The following ST7L variants were observed in gnomAD, a reference collection of about 807,000 sequenced individuals.
ST7L encodes the protein suppressor of tumorigenicity 7 protein-like.
Under a neutral mutation model 72.5 loss-of-function variants are expected in ST7L, and 57 were observed. The observed-to-expected ratio is 0.79, with a 90% CI of 0.64 to 0.98. ST7L has a LOEUF of 0.98. Ranked by LOEUF, ST7L falls within the 50% of genes least tolerant of loss-of-function variation. The pLI, the probability that ST7L is intolerant of heterozygous loss-of-function variation, is 0.00. For missense variants in ST7L, 576 were observed against 672.2 expected (o/e 0.86, Z 1.58); for synonymous variants, 221 against 240.9 (o/e 0.92, Z 0.77).
chr1:112,614,721 T>C (rs1669599610), intron 2 of ST7L, among the ~76,000 whole-genome samples: 1 of 151,890 alleles, frequency 6.6e-6, no homozygotes, highest in Non-Finnish European at 1.5e-5. Flanking sequence ...CCGAGGAGAA[T>C]GGATCGTTTA....
chr1:112,550,553 T>A (rs773812076), intron 13 of ST7L, 48 bp downstream of exon 13: 8 of 1,407,598 alleles, frequency 5.7e-6, no homozygotes, highest in Non-Finnish European at 8.0e-6. Context: ...TGACAAACAA[T>A]CTAAACTTAC....
chr1:112,571,421 C>A, intron 11 of ST7L: 2 of 355,452 alleles, frequency 5.6e-6, no homozygotes, highest in Non-Finnish European at 1.1e-5. Context: ...ATCTATATAT[C>A]TATATAGTTT....
chr1:112,600,709 G>A (rs373390778), intron 4 of ST7L, 85 bp downstream of exon 4: 44 of 1,160,550 alleles, frequency 3.8e-5, no homozygotes, highest in East Asian at 1.5e-4. Flanking sequence ...GAAGAGCTGC[G>A]ATATATTTAT....
Position 112,539,668 on chromosome 1 carries a change from A to AG in ST7L, c.1629+2282_1629+2283insC, listed in dbSNP as rs748287823. On this transcript the variant is annotated intron_variant, in intron 14 of 14. Coordinates refer to ENST00000358039, the MANE Select transcript of ST7L (RefSeq NM_017744.5). ...GAGACTCTGTTTCAAAAAAAAAAAA[A>AG]AAAAAGAAAAAGAAAAAGAAAAGAA... 3.8e-3 allele frequency: 3,616 copies of AG among 960,270 alleles called. 6 individuals are homozygous for AG. Among genetic ancestry groups the AG allele is most frequent in the Non-Finnish European group, 4.2e-3 (3,448 of 814,412 alleles). 59.5% of individuals were successfully genotyped at this position (960,270 alleles called of 1,614,324 possible).
chr1:112,559,356 C>A (rs1659713011), intron 11 of ST7L, among the ~76,000 whole-genome samples: 1 of 152,068 alleles, frequency 6.6e-6, no homozygotes, highest in Non-Finnish European at 1.5e-5. Context: ...GCCTCAGCCT[C>A]CCGAGTAGCT....
intron 14 of ST7L, among the ~76,000 whole-genome samples, chr1:112,531,219 GATATAAAAGAGGT>G (rs1213000973): frequency 6.6e-6 from 1 of 152,194 alleles, no homozygotes; most frequent in Non-Finnish European, 1.5e-5. Context: ...GGAATGAGAG[GATATAAAAGAGGT>G]ATATAAAATG....
At chr1:112,566,923 T>C (rs1661155138) in intron 11 of ST7L, among the ~76,000 whole-genome samples, 1 of 152,244 alleles carries the variant, frequency 6.6e-6, no homozygotes, top group African/African-American at 2.4e-5. Context: ...ATGATATTCA[T>C]GTTCAACTCT....
chr1:112,607,126 G>T (rs1668368128), intron 3 of ST7L: 1 of 152,060 alleles, frequency 6.6e-6, no homozygotes, highest in South Asian at 2.1e-4. Flanking sequence ...TTTTAAGAAT[G>T]TAAAGGATTT....
intron 11 of ST7L, among the ~76,000 whole-genome samples, chr1:112,565,211 A>ATTTTTTTTTTTT (rs777969643): frequency 4.3e-4 from 25 of 57,950 alleles, no homozygotes; most frequent in South Asian, 1.1e-3. Flanking sequence ...TGTTCGGCTA[A>ATTTTTTTTTTTT]TTTTTTTTTT....
At chr1:112,562,052 G>A (rs376788) in intron 11 of ST7L, among the ~76,000 whole-genome samples, 1 of 148,366 alleles carries the variant, frequency 6.7e-6, no homozygotes, top group African/African-American at 2.5e-5. Flanking sequence ...CTGCAGCCTC[G>A]ACCTCCTGGG....
intron 6 of ST7L, among the ~76,000 whole-genome samples, chr1:112,589,689 C>A (rs1400922517): frequency 6.6e-6 from 1 of 152,156 alleles, no homozygotes; most frequent in Non-Finnish European, 1.5e-5. Context: ...GGGAACAAAA[C>A]CAAACAAAAC....
intron 6 of ST7L, among the ~76,000 whole-genome samples, chr1:112,589,710 A>G (rs562166813): frequency 2.0e-5 from 3 of 152,350 alleles, no homozygotes; most frequent in South Asian, 2.1e-4. Flanking sequence ...ACAAAAAGCA[A>G]AAGTATTTGC....
At chr1:112,611,466 A>G (rs1035347335) in intron 2 of ST7L, among the ~76,000 whole-genome samples, 1 of 152,214 alleles carries the variant, frequency 6.6e-6, no homozygotes, top group Non-Finnish European at 1.5e-5. Flanking sequence ...AATATCTCAG[A>G]GCCTCAGCTA....
intron 5 of ST7L, among the ~76,000 whole-genome samples, chr1:112,593,080 T>G (rs1665942204): frequency 6.6e-6 from 1 of 152,212 alleles, no homozygotes. Context: ...GTATTATCAA[T>G]CTTTGCTAAT....
intron 5 of ST7L, 76 bp from the exon 6 acceptor site, chr1:112,591,679 G>A: frequency 1.8e-6 from 2 of 1,088,788 alleles, no homozygotes; most frequent in Non-Finnish European, 2.7e-6. Context: ...TAAGGTAGTG[G>A]AGTAAGCAAA....
intron 3 of ST7L, among the ~76,000 whole-genome samples, chr1:112,608,248 G>T (rs557072902): frequency 6.6e-6 from 1 of 152,156 alleles, no homozygotes; most frequent in East Asian, 1.9e-4. Context: ...CAAACTCCTT[G>T]TCTCAAGTGA....
intron 2 of ST7L, among the ~76,000 whole-genome samples, chr1:112,614,759 C>T (rs186457695): frequency 5.3e-5 from 8 of 151,874 alleles, no homozygotes; most frequent in African/African-American, 1.9e-4. Flanking sequence ...CTACCCTGAA[C>T]AACACAGTGA....
chr1:112,593,764 AT>A (rs1666028004), intron 5 of ST7L, among the ~76,000 whole-genome samples: 1 of 152,232 alleles, frequency 6.6e-6, no homozygotes, highest in Non-Finnish European at 1.5e-5. Flanking sequence ...TCTGCCCTAG[AT>A]AAATTAATAG....
rs1411019198 is a variant in ST7L at position 112,542,654 on chromosome 1, A to G, written c.1490-564T>C. On this transcript the variant is annotated intron_variant, in intron 13 of 14. Coordinates refer to ENST00000358039, the MANE Select transcript of ST7L (RefSeq NM_017744.5). ...CCTGTAGGTCCAGCTACTCTGGAGGATGAGATGGGAAAATCACTGGAACCC... is the reference window on the plus strand; with the variant it reads ...CCTGTAGGTCCAGCTACTCTGGAGGGTGAGATGGGAAAATCACTGGAACCC... Among the ~76,000 whole-genome samples, 5 of 151,976 alleles carry G rather than the reference A, an allele frequency of 3.3e-5. No homozygotes were observed. In the Middle Eastern group the frequency reaches 9.5e-3, roughly 289 times the overall value.
Sources: gnomAD v4.1 joint callset for allele counts (sites outside exome capture counted in the v4.1 genomes callset) on GRCh38, gnomAD v4.1.1 for gene constraint, MANE v1.5 for transcripts, NCBI Gene and HGNC (gene_info 2026-07-23, HGNC 2026-07-21) for gene names.